NBR1: variants seen among roughly 807,000 people sequenced by gnomAD.
The protein encoded by NBR1 is NBR1 autophagy cargo receptor, also known as next to BRCA1 gene 1 protein.
NBR1 carries 59 observed loss-of-function variants against 115.5 expected under a neutral mutation model. That is an observed-to-expected ratio of 0.51 (90% CI 0.41 to 0.63). The LOEUF (loss-of-function observed/expected upper bound fraction) is 0.63, where lower values mean the gene tolerates loss of function less well. Among genes scored for constraint, NBR1 ranks in the 30% least tolerant of loss-of-function variants. The pLI is 0.00. For missense variants in NBR1, 1,043 were observed against 1,150.5 expected, an observed-to-expected ratio of 0.91 and a Z score of 1.35; for synonymous variants, 373 against 414.7, an observed-to-expected ratio of 0.90 and a Z score of 1.22.
intron 20 of NBR1, among the ~76,000 whole-genome samples, chr17:43,204,975 C>CA (rs2057286159): frequency 1.3e-5 from 2 of 152,028 alleles, no homozygotes; most frequent in South Asian, 4.2e-4. Context: ...GACCCTGTCT[C>CA]AAAAAACAAC....
At chr17:43,204,418 C>T (rs917653420) in intron 20 of NBR1, among the ~76,000 whole-genome samples, 7 of 152,000 alleles carry the variant, frequency 4.6e-5, no homozygotes, top group East Asian at 3.9e-4. Context: ...ACCTGTAATC[C>T]TAGTACTTTG....
chr17:43,181,365 C>T (rs1433425189), intron 5 of NBR1, among the ~76,000 whole-genome samples: 1 of 152,114 alleles, frequency 6.6e-6, no homozygotes, highest in Non-Finnish European at 1.5e-5. Flanking sequence ...TGCTACTGTT[C>T]TAGTGTTTAA....
chr17:43,173,705 T>C (rs1390383747), intron 1 of NBR1, among the ~76,000 whole-genome samples: 1 of 152,184 alleles, frequency 6.6e-6, no homozygotes, highest in Non-Finnish European at 1.5e-5. Flanking sequence ...ACCTATTTTA[T>C]AGGTTAAAGA....
At chr17:43,194,280 G>T in intron 12 of NBR1, 70 bp from the exon 13 acceptor site, 1 of 1,366,522 alleles carries the variant, frequency 7.3e-7, no homozygotes, top group Non-Finnish European at 9.9e-7. Context: ...TTATTTTTGG[G>T]GGCATTGTCA....
Position 43,193,645 on chromosome 17 carries a change from A to C in NBR1, c.1524+7A>C. On this transcript the variant is annotated splice_region_variant and intron_variant, in intron 12 of 20. Coordinates refer to ENST00000590996, the MANE Select transcript of NBR1 (RefSeq NM_005899.5). ...TCTCACCTGCCAGCAAGAGGTGAGC[A>C]TTGACTGACAGGCTTTGGCCTAGTA... 6.2e-7 allele frequency: 1 copy of C among 1,601,466 alleles called. No homozygotes were observed. Among genetic ancestry groups the C allele is most frequent in the Non-Finnish European group, 8.5e-7 (1 of 1,173,206 alleles).
rs762757849 is a variant in NBR1 at position 43,209,940 on chromosome 17, C to T, written c.2767C>T (p.His923Tyr). The T allele has an allele frequency of 1.7e-5, 27 of 1,604,816 alleles. No homozygotes were observed. The Middle Eastern group carries it at 6.6e-4, about 39-fold the overall frequency. The change falls in exon 21 of 21, where the codon CAT (histidine) becomes TAT (tyrosine). Residue 923 changes from histidine (H) to tyrosine (Y), a missense_variant. By Grantham distance (83) the His-to-Tyr change is moderately conservative (BLOSUM62 2). Coordinates refer to ENST00000590996, the MANE Select transcript of NBR1 (RefSeq NM_005899.5). ...SEDQTAALMAHLFEMGFCDRQ... is the reference protein window; with the variant it reads ...SEDQTAALMAYLFEMGFCDRQ... ...AGATCAGACAGCAGCCCTGATGGCC[C>T]ATCTCTTTGAAATGGGATTCTGTGA...
rs1269311827 is a variant in NBR1 at position 43,189,821 on chromosome 17, G to T, written c.695+19G>T. The T allele has an allele frequency of 6.2e-7, 1 of 1,607,498 alleles. No homozygotes were observed. Among genetic ancestry groups the T allele is most frequent in the Non-Finnish European group, 8.5e-7 (1 of 1,175,692 alleles). On this transcript the variant is annotated intron_variant, in intron 8 of 20. Transcript: ENST00000590996. Reference sequence around the variant, plus strand: ...AGTGTAGGTAAGCAGTTGCTTGGGAGTAGCTAGCTAGTGATAGACCTTACA... The same window carrying T: ...AGTGTAGGTAAGCAGTTGCTTGGGATTAGCTAGCTAGTGATAGACCTTACA...
At chr17:43,176,892 C>A (rs1221085838) in intron 2 of NBR1, among the ~76,000 whole-genome samples, 1 of 152,094 alleles carries the variant, frequency 6.6e-6, no homozygotes, top group Non-Finnish European at 1.5e-5. Context: ...GTTACTCCCA[C>A]CTTCTTTGGG....
chr17:43,195,076 T>A (rs1296323058), intron 14 of NBR1, 37 bp downstream of exon 14: 1 of 1,533,174 alleles, frequency 6.5e-7, no homozygotes, highest in Admixed American at 1.7e-5. Flanking sequence ...TTCGTCTTAC[T>A]AATAGGCACA....
chr17:43,178,116 A>G (rs898749673), intron 3 of NBR1, 118 bp downstream of exon 3: 1 of 1,255,330 alleles, frequency 8.0e-7, no homozygotes, highest in African/African-American at 1.5e-5. Flanking sequence ...TGGTTTAAAT[A>G]TATTTGATAA....
At chr17:43,175,054 G>A (rs576388404) in intron 1 of NBR1, among the ~76,000 whole-genome samples, 16 of 152,174 alleles carry the variant, frequency 1.1e-4, no homozygotes, top group African/African-American at 3.6e-4. Flanking sequence ...AGCTGAGATC[G>A]TGCCACTGCA....
chr17:43,177,960 AC>A lies in NBR1; in HGVS notation c.128del (p.Thr43IlefsTer4). ...GGTAAAAGTTTCATTTGATCTGAAT[AC>A]TATTCAAATAAAATACCTGGATGAG... The part of the protein sequence containing the change: ...AMVKVSFDLN[T>X]IQIKYLDEEN... On this transcript the variant is annotated frameshift_variant, in exon 3 of 21. Coordinates refer to ENST00000590996, the MANE Select transcript of NBR1 (RefSeq NM_005899.5). LOFTEE classifies it high-confidence loss of function. 6.4e-7 allele frequency: 1 copy of A among 1,560,452 alleles called. No individual in the cohort carries two copies. Among genetic ancestry groups the A allele is most frequent in the Non-Finnish European group, 8.8e-7 (1 of 1,139,750 alleles).
At chr17:43,193,786 C>G in intron 12 of NBR1, 148 bp downstream of exon 12, 1 of 852,732 alleles carries the variant, frequency 1.2e-6, no homozygotes, top group East Asian at 2.7e-5. Flanking sequence ...CATCTCTATG[C>G]TGATATTTGG....
At chr17:43,175,701 C>A (rs2056497328) in intron 1 of NBR1, 90 bp from the exon 2 acceptor site, 5 of 623,350 alleles carry the variant, frequency 8.0e-6, no homozygotes, top group African/African-American at 3.8e-5. Flanking sequence ...TGGGTCCTCA[C>A]AAGTATTTGC....
In NBR1 at chr17:43,189,542, G is replaced by C. The variant is rs2056893874; in HGVS notation, c.481-46G>C. The C allele has an allele frequency of 8.6e-6, 12 of 1,393,962 alleles. No individual in the cohort carries two copies. The East Asian group carries it at 2.8e-4, about 32-fold the overall frequency. The allele number at this position is 1,393,962 out of a possible 1,614,324, so 86.3% of individuals were successfully genotyped here. On this transcript the variant is annotated intron_variant, in intron 7 of 20. Coordinates refer to ENST00000590996, the MANE Select transcript of NBR1 (RefSeq NM_005899.5). ...TATTGATATCTTCACATTTTTTTCT[G>C]ATATTGGAACTGAGTTTTTTCCCTA...
chr17:43,187,047 G>A (rs935186949), intron 6 of NBR1, among the ~76,000 whole-genome samples: 3 of 152,112 alleles, frequency 2.0e-5, no homozygotes, highest in Admixed American at 6.6e-5. Flanking sequence ...TAATGGGATC[G>A]CTGGGTCAAA....
intron 13 of NBR1, 22 bp from the exon 14 acceptor site, chr17:43,194,942 C>T (rs2057032727): frequency 2.5e-6 from 4 of 1,606,526 alleles, no homozygotes; most frequent in Non-Finnish European, 3.4e-6. Context: ...TCCAAACAGC[C>T]TAACATTGTC....
chr17:43,206,892 A>C (rs1875313477), intron 20 of NBR1, among the ~76,000 whole-genome samples: 1 of 152,092 alleles, frequency 6.6e-6, no homozygotes, highest in South Asian at 2.1e-4. Flanking sequence ...GTGAAACCTT[A>C]TCTCTACAAA....
intron 3 of NBR1, 92 bp downstream of exon 3, chr17:43,178,090 T>C (rs755880573): frequency 2.5e-5 from 36 of 1,423,062 alleles, no homozygotes; most frequent in Middle Eastern, 1.8e-4. Flanking sequence ...AAATAGTGTT[T>C]AGCTTATTTG....
Sources: allele counts gnomAD v4.1 joint callset (sites outside exome capture counted in the v4.1 genomes callset), GRCh38; gene constraint gnomAD v4.1.1; transcripts MANE v1.5; gene names NCBI Gene and HGNC (gene_info 2026-07-23, HGNC 2026-07-21).